NAALADL2: variants seen among roughly 807,000 people sequenced by gnomAD.
NAALADL2 encodes inactive N-acetylated-alpha-linked acidic dipeptidase-like protein 2.
NAALADL2 carries 76 observed loss-of-function variants against 87.2 expected under a neutral mutation model. That is an observed-to-expected ratio of 0.87 (90% CI 0.72 to 1.05). NAALADL2 has a LOEUF of 1.05. Ranked by LOEUF, NAALADL2 falls within the 50% of genes least tolerant of loss-of-function variation. The probability of loss-of-function intolerance (pLI) is 0.00; values close to 1 mark genes in which losing one functional copy is unlikely to be tolerated. For missense variants in NAALADL2, 1,089 were observed against 945.8 expected (o/e 1.15, Z -1.99); for synonymous variants, 354 against 331.0 (o/e 1.07, Z -0.75).
At chr3:175,050,317 C>G (rs1023215394) in intron 1 of NAALADL2, among the ~76,000 whole-genome samples, 29 of 151,670 alleles carry the variant, frequency 1.9e-4, no homozygotes, top group African/African-American at 6.8e-4. Flanking sequence ...GGCTGGAGTG[C>G]AGTGGCGTGA....
At chr3:174,684,857 TTGA>T (rs1399526201) in intron 2 of NAALADL2, among the ~76,000 whole-genome samples, 2 of 152,132 alleles carry the variant, frequency 1.3e-5, no homozygotes, top group African/African-American at 4.8e-5. Context: ...AACAGGACAC[TTGA>T]TGAACTCTCA....
intron 10 of NAALADL2, among the ~76,000 whole-genome samples, chr3:175,621,658 G>A (rs1229510657): frequency 6.6e-6 from 1 of 151,852 alleles, no homozygotes; most frequent in Non-Finnish European, 1.5e-5. Flanking sequence ...ACTACAATAA[G>A]AAAAATACTA....
chr3:175,430,236 G>A (rs1328487407), intron 5 of NAALADL2, among the ~76,000 whole-genome samples: 1 of 151,702 alleles, frequency 6.6e-6, no homozygotes, highest in Non-Finnish European at 1.5e-5. Flanking sequence ...CCATTTTATA[G>A]TAATTAACCT....
intron 5 of NAALADL2, among the ~76,000 whole-genome samples, chr3:175,326,221 C>T (rs1760690713): frequency 6.6e-6 from 1 of 152,216 alleles, no homozygotes; most frequent in African/African-American, 2.4e-5. Flanking sequence ...ACAACGATGT[C>T]CTTTACTTCA....
intron 4 of NAALADL2, among the ~76,000 whole-genome samples, chr3:175,267,347 A>G (rs966545015): frequency 1.1e-4 from 16 of 152,058 alleles, no homozygotes; most frequent in African/African-American, 3.9e-4. Flanking sequence ...AAAATAAGGA[A>G]CACACCCTAA....
At chr3:174,619,804 C>T (rs1720823876) in intron 2 of NAALADL2, among the ~76,000 whole-genome samples, 1 of 151,732 alleles carries the variant, frequency 6.6e-6, no homozygotes, top group Non-Finnish European at 1.5e-5. Context: ...TTATTTCTTC[C>T]CACCAATCCC....
At chr3:175,674,230 GATTTC>G (rs1734407118) in intron 11 of NAALADL2, among the ~76,000 whole-genome samples, 3 of 150,568 alleles carry the variant, frequency 2.0e-5, no homozygotes, top group East Asian at 3.9e-4. Context: ...TTGTAAAAGT[GATTTC>G]CAACTGATAG....
intron 13 of NAALADL2, among the ~76,000 whole-genome samples, chr3:175,796,199 A>C (rs1278093275): frequency 6.6e-6 from 1 of 152,062 alleles, no homozygotes; most frequent in East Asian, 1.9e-4. Context: ...AGAAAGCAGC[A>C]TACAGGAGAT....
intron 1 of NAALADL2, among the ~76,000 whole-genome samples, chr3:174,879,508 C>T (rs1728923586): frequency 6.6e-6 from 1 of 151,980 alleles, no homozygotes; most frequent in Non-Finnish European, 1.5e-5. Flanking sequence ...GAGGTAAATG[C>T]CTCATTCATA....
chr3:174,622,312 T>A (rs996939378), intron 2 of NAALADL2, among the ~76,000 whole-genome samples: 4 of 152,212 alleles, frequency 2.6e-5, no homozygotes, highest in Non-Finnish European at 5.9e-5. Context: ...CTTTTATTTC[T>A]TCACCTCTAA....
At chr3:175,168,864 T>C (rs1055355140) in intron 2 of NAALADL2, among the ~76,000 whole-genome samples, 3 of 151,874 alleles carry the variant, frequency 2.0e-5, no homozygotes, top group Non-Finnish European at 4.4e-5. Flanking sequence ...AAATCTTTGT[T>C]ATTTTGCTAT....
chr3:175,216,369 G>T (rs547291830), intron 2 of NAALADL2, among the ~76,000 whole-genome samples: 2 of 152,204 alleles, frequency 1.3e-5, no homozygotes, highest in African/African-American at 4.8e-5. Context: ...ACTTAATGAG[G>T]CTTTAAGAGA....
At chr3:174,625,008 A>T (rs920404723) in intron 2 of NAALADL2, among the ~76,000 whole-genome samples, 1 of 145,996 alleles carries the variant, frequency 6.8e-6, no homozygotes, top group East Asian at 2.1e-4. Flanking sequence ...ATCTAGAATG[A>T]TCTAGATAAT....
At chr3:175,435,886 C>T (rs1581874141) in intron 5 of NAALADL2, among the ~76,000 whole-genome samples, 1 of 148,714 alleles carries the variant, frequency 6.7e-6, no homozygotes, top group African/African-American at 2.5e-5. Flanking sequence ...TTTTAGGGTA[C>T]ATGTGCACAT....
chr3:175,791,792 ATTTT>A (rs949270520), intron 13 of NAALADL2, among the ~76,000 whole-genome samples: 1 of 150,602 alleles, frequency 6.6e-6, no homozygotes, highest in Non-Finnish European at 1.5e-5. Flanking sequence ...CAATAAATTT[ATTTT>A]TTTCTTAAAT....
At chr3:174,931,756 A>G (rs141327723) in intron 1 of NAALADL2, among the ~76,000 whole-genome samples, 1 of 152,186 alleles carries the variant, frequency 6.6e-6, no homozygotes, top group African/African-American at 2.4e-5. Flanking sequence ...TGATTAAAAG[A>G]TCGTTGCAAG....
intron 1 of NAALADL2, among the ~76,000 whole-genome samples, chr3:174,476,113 C>T (rs1021437627): frequency 1.3e-5 from 2 of 151,892 alleles, no homozygotes; most frequent in Non-Finnish European, 2.9e-5. Context: ...ATGAAATAAT[C>T]AGAGAATCAA....
At chr3:175,080,526 CATAAT>C (rs1437007447) in intron 1 of NAALADL2, among the ~76,000 whole-genome samples, 1 of 152,128 alleles carries the variant, frequency 6.6e-6, no homozygotes, top group East Asian at 1.9e-4. Flanking sequence ...GCTCATATAT[CATAAT>C]ATAAGCTTAT....
chr3:175,016,039 A>AT (rs1484983349), intron 1 of NAALADL2, among the ~76,000 whole-genome samples: 2 of 151,550 alleles, frequency 1.3e-5, no homozygotes, highest in African/African-American at 4.8e-5. Flanking sequence ...ACTCATCTAC[A>AT]TTTTAGAGAG....
Sources: allele counts gnomAD v4.1 joint callset (sites outside exome capture counted in the v4.1 genomes callset), GRCh38; gene constraint gnomAD v4.1.1; transcripts MANE v1.5; gene names NCBI Gene and HGNC (gene_info 2026-07-23, HGNC 2026-07-21).